Variants in CCDC14 observed in about 807,000 individuals in gnomAD.
The protein encoded by CCDC14 is coiled-coil domain containing 14, also known as coiled-coil domain-containing protein 14.
A neutral mutation model predicts 81.4 loss-of-function variants in CCDC14; 71 were observed. The observed-to-expected ratio is 0.87, with a 90% CI of 0.72 to 1.06. The LOEUF is 1.06. Among genes scored for constraint, CCDC14 ranks in the 50% least tolerant of loss-of-function variants. The probability of loss-of-function intolerance (pLI) is 0.00; values close to 1 mark genes in which losing one functional copy is unlikely to be tolerated. For synonymous variants in CCDC14, 332 were observed against 364.8 expected (o/e 0.91, Z 1.03); for missense variants, 1,046 against 1,047.3 (o/e 1.00, Z 0.02).
At chr3:123,930,792 C>T (rs1026286212) in intron 12 of CCDC14, 1 of 225,220 alleles carries the variant, frequency 4.4e-6, no homozygotes, top group Non-Finnish European at 8.5e-6. Flanking sequence ...TGTGGCAGAG[C>T]TGGGATTCCA....
chr3:123,901,623 A>T (rs987693860), intron 5 of CCDC14, among the ~76,000 whole-genome samples: 4 of 152,172 alleles, frequency 2.6e-5, no homozygotes, highest in Non-Finnish European at 5.9e-5. Context: ...GTTAGAGGAG[A>T]CTTTCCTTAC....
intron 5 of CCDC14, among the ~76,000 whole-genome samples, chr3:123,952,224 T>C (rs2037061634): frequency 6.6e-6 from 1 of 152,214 alleles, no homozygotes. Context: ...GTCTAGCTGC[T>C]GTGCAAGCAC....
chr3:123,946,643 A>G (rs2036638817), intron 8 of CCDC14, among the ~76,000 whole-genome samples, 160 bp downstream of exon 8: 1 of 152,204 alleles, frequency 6.6e-6, no homozygotes. Context: ...GAAGGGATCA[A>G]AACTTAAAAA....
At chr3:123,957,158 C>T (rs2037372711) in intron 1 of CCDC14, 2 of 154,050 alleles carry the variant, frequency 1.3e-5, no homozygotes, top group Admixed American at 6.5e-5. Flanking sequence ...GTATGTACCA[C>T]ATTATTCACT....
At chr3:123,952,910 A>C in intron 5 of CCDC14, 1 of 193,504 alleles carries the variant, frequency 5.2e-6, no homozygotes, top group South Asian at 8.9e-5. Flanking sequence ...CACACACACA[A>C]CTAGAAACTA....
downstream of CCDC14, among the ~76,000 whole-genome samples, chr3:123,910,397 C>T (rs1356094123): frequency 6.6e-6 from 1 of 152,042 alleles, no homozygotes; most frequent in African/African-American, 2.4e-5. Context: ...GACTCACTGA[C>T]AAACCGGTGG....
intron 5 of CCDC14, among the ~76,000 whole-genome samples, chr3:123,903,197 T>A (rs766804056): frequency 1.3e-5 from 2 of 152,086 alleles, no homozygotes; most frequent in Non-Finnish European, 2.9e-5. Context: ...GGTTTGGCCA[T>A]GGTTATTGGG....
chr3:123,915,702 T>C lies in CCDC14; in HGVS notation c.1795A>G (p.Met599Val), dbSNP rs771796944. ...RELTRTLQTS[M>V]AKLLSDLSVD... Reference sequence around the variant, plus strand: ...CTAAGATCGGAGAGAAGCTTTGCCATGCTAGTCTGTAAAGTTCTGTTAAGA... The same window carrying C: ...CTAAGATCGGAGAGAAGCTTTGCCACGCTAGTCTGTAAAGTTCTGTTAAGA... Residue 599 changes from methionine (M) to valine (V), a missense_variant, in exon 13 of 13, where the codon ATG (methionine) becomes GTG (valine). By Grantham distance (21) the Met-to-Val change is conservative. Transcript: ENST00000409697. 4 of 1,611,140 alleles carry C rather than the reference T, an allele frequency of 2.5e-6. No homozygotes were observed. The highest frequency in any genetic ancestry group is 2.2e-5 in the East Asian group (1 of 44,856).
At chr3:123,933,875 A>G (rs2035894064) in intron 9 of CCDC14, 120 bp from the exon 10 acceptor site, 1 of 629,544 alleles carries the variant, frequency 1.6e-6, no homozygotes, top group Non-Finnish European at 2.7e-6. Flanking sequence ...AGTCCATCTC[A>G]TCCCCAAAAG....
chr3:123,911,607 T>C (rs2034448367), downstream of CCDC14, among the ~76,000 whole-genome samples: 1 of 152,234 alleles, frequency 6.6e-6, no homozygotes, highest in Non-Finnish European at 1.5e-5. Flanking sequence ...ACTGACTATA[T>C]GTTCCTTTGC....
In CCDC14 at chr3:123,913,657, G is replaced by A. The variant is rs2034501709; in HGVS notation, c.*1122C>T. 1 of 971,926 alleles carries A rather than the reference G, an allele frequency of 1.0e-6. No homozygotes were observed. The allele number at this position is 971,926 out of a possible 1,614,324, so 60.2% of individuals were successfully genotyped here. On this transcript the variant is annotated 3_prime_UTR_variant, in exon 13 of 13. Coordinates refer to ENST00000409697, the MANE Select transcript of CCDC14 (RefSeq NM_001366335.1). ...ACTACAGCTGGCTCCTTCAAACGCT[G>A]TAGCACTAACACCTAAAAAAAAAAA... is the stretch of plus-strand genomic sequence containing the variant.
At chr3:123,952,898 C>T (rs529059915) in intron 5 of CCDC14, 1 of 207,860 alleles carries the variant, frequency 4.8e-6, no homozygotes, top group African/African-American at 2.3e-5. Flanking sequence ...CTGCCAACCA[C>T]ACACACACAC....
chr3:123,922,415 T>C (rs2035100935), intron 12 of CCDC14, among the ~76,000 whole-genome samples: 1 of 151,904 alleles, frequency 6.6e-6, no homozygotes, highest in African/African-American at 2.4e-5. Flanking sequence ...ATAGGAAAAA[T>C]TCAGCAAAAC....
chr3:123,898,675 G>T (rs1387833728), intron 5 of CCDC14, among the ~76,000 whole-genome samples: 1 of 152,098 alleles, frequency 6.6e-6, no homozygotes, highest in Non-Finnish European at 1.5e-5. Flanking sequence ...TCCAGCACTT[G>T]TGAATATCCC....
chr3:123,957,764 T>C (rs1340941756), intron 1 of CCDC14: 1 of 152,066 alleles, frequency 6.6e-6, no homozygotes, highest in Non-Finnish European at 1.5e-5. Flanking sequence ...TATACTATTT[T>C]ATATCTTAAT....
At chr3:123,910,242 T>C (rs2034412854), downstream of CCDC14, among the ~76,000 whole-genome samples, 1 of 152,192 alleles carries the variant, frequency 6.6e-6, no homozygotes, top group Non-Finnish European at 1.5e-5. Flanking sequence ...AGCCCTAATA[T>C]GATCTGCAGC....
At chr3:123,922,290 A>G (rs2035091616) in intron 12 of CCDC14, among the ~76,000 whole-genome samples, 1 of 152,172 alleles carries the variant, frequency 6.6e-6, no homozygotes. Context: ...AAATAATCTA[A>G]TATTACATCT....
Position 123,913,539 on chromosome 3 carries a change from T to C in CCDC14, c.*1240A>G, listed in dbSNP as rs1020427241. 1.6e-5 allele frequency: 16 copies of C among 980,700 alleles called. No homozygotes were observed. Among genetic ancestry groups the C allele is most frequent in the African/African-American group, 1.7e-5 (1 of 57,150 alleles). The allele number at this position is 980,700 out of a possible 1,614,324, so 60.7% of individuals were successfully genotyped here. A position where few individuals can be genotyped will look rare whatever the true frequency, so the allele number is the denominator to read the frequency against. On this transcript the variant is annotated 3_prime_UTR_variant, in exon 13 of 13. Transcript: ENST00000409697. ...CATGAATACTAAATAAAATTAAAGATGCTAATGGACTCTTGTGTGAAATAG... is the reference window on the plus strand; with the variant it reads ...CATGAATACTAAATAAAATTAAAGACGCTAATGGACTCTTGTGTGAAATAG...
At chr3:123,911,359 T>C (rs1191731583), downstream of CCDC14, among the ~76,000 whole-genome samples, 3 of 152,182 alleles carry the variant, frequency 2.0e-5, no homozygotes, top group Admixed American at 2.0e-4. Flanking sequence ...AGGTATGCTA[T>C]AGTCTTAGAA....
Sources: allele counts gnomAD v4.1 joint callset (sites outside exome capture counted in the v4.1 genomes callset), GRCh38; gene constraint gnomAD v4.1.1; transcripts MANE v1.5; gene names NCBI Gene and HGNC (gene_info 2026-07-23, HGNC 2026-07-21).